Variants in LUZP2 observed in about 807,000 individuals in gnomAD.
LUZP2 encodes the protein leucine zipper protein 2.
A neutral mutation model predicts 51.6 loss-of-function variants in LUZP2; 52 were observed. The observed-to-expected ratio is 1.01, with a 90% CI of 0.81 to 1.27. LUZP2 has a LOEUF of 1.27. Among genes scored for constraint, LUZP2 ranks in the 50% most tolerant of loss-of-function variants. The probability of loss-of-function intolerance (pLI) is 0.00; values close to 1 mark genes in which losing one functional copy is unlikely to be tolerated. For missense variants in LUZP2, 436 were observed against 395.4 expected, an observed-to-expected ratio of 1.10 and a Z score of -0.87; for synonymous variants, 154 against 137.3, an observed-to-expected ratio of 1.12 and a Z score of -0.85.
chr11:24,605,685 C>A (rs1363159354), intron 1 of LUZP2, among the ~76,000 whole-genome samples: 2 of 151,654 alleles, frequency 1.3e-5, no homozygotes, highest in Non-Finnish European at 3.0e-5. Flanking sequence ...ATTTTGAATT[C>A]ATTGTAAAAT....
chr11:24,676,806 G>C, intron 1 of LUZP2, among the ~76,000 whole-genome samples: 2 of 152,120 alleles, frequency 1.3e-5, no homozygotes, highest in South Asian at 4.1e-4. Flanking sequence ...TGAGACTACA[G>C]TCACTCACCA....
intron 11 of LUZP2, 100 bp downstream of exon 11, chr11:25,077,506 A>ATT: frequency 1.1e-5 from 5 of 438,824 alleles, no homozygotes; most frequent in Non-Finnish European, 1.6e-5. Context: ...TTTTTTATTT[A>ATT]TTTATTTTTT....
intron 9 of LUZP2, among the ~76,000 whole-genome samples, chr11:25,001,747 TTC>T (rs1227570838): frequency 2.0e-5 from 3 of 152,090 alleles, no homozygotes; most frequent in Non-Finnish European, 4.4e-5. Flanking sequence ...TTCTTTGACT[TTC>T]TGTCAGTCTC....
At position 24,600,604 on chromosome 11, in the gene LUZP2, G is replaced by C. The variant is rs560080632; in HGVS notation, c.62+103299G>C. On this transcript the variant is annotated intron_variant, in intron 1 of 11. Transcript: ENST00000336930. ...TCACTTGGAAGCTTTGTATTTTTCCGCAAATTATCAAACTCTAACTAAAAC... is the reference window on the plus strand; with the variant it reads ...TCACTTGGAAGCTTTGTATTTTTCCCCAAATTATCAAACTCTAACTAAAAC... Among the ~76,000 whole-genome samples, 17 of 152,094 alleles carry C rather than the reference G, an allele frequency of 1.1e-4. 1 individual carries two copies. The highest frequency in any genetic ancestry group is 3.6e-4 in the African/African-American group (15 of 41,482).
chr11:24,764,286 A>G (rs183619909), intron 5 of LUZP2, among the ~76,000 whole-genome samples: 80 of 152,144 alleles, frequency 5.3e-4, no homozygotes, highest in Admixed American at 8.5e-4. Context: ...TTATCTTTAC[A>G]TAAGTAGCAT....
At chr11:24,864,398 AT>A (rs1851826351) in intron 5 of LUZP2, among the ~76,000 whole-genome samples, 1 of 152,232 alleles carries the variant, frequency 6.6e-6, no homozygotes, top group African/African-American at 2.4e-5. Context: ...AGTGTTTATA[AT>A]TGTGGCAAAA....
intron 1 of LUZP2, among the ~76,000 whole-genome samples, chr11:24,537,895 T>A (rs536345759): frequency 6.6e-6 from 1 of 151,666 alleles, no homozygotes; most frequent in African/African-American, 2.4e-5. Flanking sequence ...CTTGCTTTCA[T>A]AAAAAAAATA....
At chr11:24,917,688 G>C (rs543573264) in intron 7 of LUZP2, among the ~76,000 whole-genome samples, 1 of 151,370 alleles carries the variant, frequency 6.6e-6, no homozygotes. Context: ...TGTTCCATTG[G>C]TCTATATCTC....
intron 1 of LUZP2, among the ~76,000 whole-genome samples, chr11:24,697,275 T>A (rs72882447): frequency 0.022 from 3,395 of 152,266 alleles, 54 homozygotes; most frequent in East Asian, 0.088. Context: ...TATGGCTTTA[T>A]CCAAGGTGAA....
At chr11:24,968,685 C>T (rs1029646112) in intron 7 of LUZP2, among the ~76,000 whole-genome samples, 1 of 152,264 alleles carries the variant, frequency 6.6e-6, no homozygotes, top group South Asian at 2.1e-4. Context: ...GGAGCCCCAC[C>T]CCTGCTCACT....
intron 4 of LUZP2, among the ~76,000 whole-genome samples, chr11:24,755,286 G>A (rs1859733762): frequency 6.6e-6 from 1 of 152,156 alleles, no homozygotes; most frequent in African/African-American, 2.4e-5. Context: ...ATTCTGCTAA[G>A]TTTTAGTAGT....
intron 1 of LUZP2, among the ~76,000 whole-genome samples, chr11:24,538,417 AT>A (rs1338523962): frequency 1.3e-5 from 2 of 151,802 alleles, no homozygotes; most frequent in Non-Finnish European, 2.9e-5. Flanking sequence ...TTCTTAGGAC[AT>A]AAAAAGCATA....
chr11:25,010,003 A>G (rs1429315463), intron 9 of LUZP2, among the ~76,000 whole-genome samples: 1 of 152,236 alleles, frequency 6.6e-6, no homozygotes, highest in Admixed American at 6.5e-5. Context: ...ACAATATTAA[A>G]AATACAGTAA....
chr11:24,616,151 C>T (rs1340849312), intron 1 of LUZP2, among the ~76,000 whole-genome samples: 1 of 151,874 alleles, frequency 6.6e-6, no homozygotes, highest in Non-Finnish European at 1.5e-5. Flanking sequence ...ATAATTTTCA[C>T]CCCACTTCAC....
chr11:24,743,263 T>C (rs1859251136), intron 4 of LUZP2, among the ~76,000 whole-genome samples: 1 of 152,158 alleles, frequency 6.6e-6, no homozygotes, highest in South Asian at 2.1e-4. Context: ...GTGTTGAATT[T>C]ATAGATTGCT....
At chr11:24,975,788 G>C (rs1855866284) in intron 7 of LUZP2, among the ~76,000 whole-genome samples, 1 of 151,950 alleles carries the variant, frequency 6.6e-6, no homozygotes, top group African/African-American at 2.4e-5. Context: ...TATTCTAATA[G>C]CACAATAATG....
At chr11:24,836,154 A>G (rs17235106) in intron 5 of LUZP2, among the ~76,000 whole-genome samples, 20,953 of 151,948 alleles carry the variant, frequency 0.14, 1,514 homozygotes, top group South Asian at 0.19. Flanking sequence ...TCATTAGCAC[A>G]TGTACAGTAA....
chr11:24,755,930 C>T (rs977496182), intron 4 of LUZP2, among the ~76,000 whole-genome samples: 7 of 152,094 alleles, frequency 4.6e-5, no homozygotes, highest in Non-Finnish European at 1.0e-4. Context: ...CCCTTCCAAG[C>T]CCTCCAATCC....
chr11:24,649,365 T>C (rs1281188739), intron 1 of LUZP2, among the ~76,000 whole-genome samples: 1 of 151,958 alleles, frequency 6.6e-6, no homozygotes, highest in Non-Finnish European at 1.5e-5. Flanking sequence ...TCCTTCAAAC[T>C]TGGAACATAT....
Sources: gnomAD v4.1 joint callset for allele counts (sites outside exome capture counted in the v4.1 genomes callset) on GRCh38, gnomAD v4.1.1 for gene constraint, MANE v1.5 for transcripts, NCBI Gene and HGNC (gene_info 2026-07-23, HGNC 2026-07-21) for gene names.